Variants in UBE2K observed in about 807,000 individuals in gnomAD.
UBE2K encodes the protein ubiquitin conjugating enzyme E2 K, also known as ubiquitin-conjugating enzyme E2 K.
Under a neutral mutation model 30.0 loss-of-function variants are expected in UBE2K, and 6 were observed. The observed-to-expected ratio is 0.20, with a 90% confidence interval of 0.11 to 0.39. The LOEUF is 0.39. UBE2K is among the 10% of genes least tolerant of loss of function. The pLI is 1.00. For missense variants in UBE2K, 61 were observed against 241.6 expected, an observed-to-expected ratio of 0.25 and a Z score of 4.96; for synonymous variants, 86 against 83.7, an observed-to-expected ratio of 1.03 and a Z score of -0.15.
intron 4 of UBE2K, 104 bp downstream of exon 4, chr4:39,755,843 G>C: frequency 2.7e-6 from 2 of 749,646 alleles, no homozygotes; most frequent in Non-Finnish European, 4.0e-6. Context: ...ACTTTATCTT[G>C]TTTGGGCAGT....
chr4:39,759,650 CACTT>C lies in UBE2K; in HGVS notation c.299+3915_299+3918del, dbSNP rs560573567. 3.0e-4 allele frequency among the ~76,000 whole-genome samples: 45 copies of C among 152,298 alleles called. No homozygotes were observed. The East Asian group carries it at 7.9e-3, about 27-fold the overall frequency. On this transcript the variant is annotated intron_variant, in intron 4 of 6. Coordinates refer to ENST00000261427, the MANE Select transcript of UBE2K (RefSeq NM_005339.5). ...ACTATTTTCTAATGTTTTCCACTGA[CACTT>C]ACTATGACTAATGGTGTCTACTTAC...
chr4:39,715,611 T>A (rs1719017733), intron 1 of UBE2K, among the ~76,000 whole-genome samples: 2 of 152,158 alleles, frequency 1.3e-5, no homozygotes, highest in African/African-American at 4.8e-5. Flanking sequence ...TGCCTGGCCC[T>A]GTTTAATTTT....
chr4:39,735,672 C>T lies in UBE2K; in HGVS notation c.64-1748C>T, dbSNP rs556324705. Reference sequence around the variant, plus strand: ...CTGGGATTACAGGCATGAGCCACCGCGCCCGGCCATCAGAGTAGTTTTACT... The same window carrying T: ...CTGGGATTACAGGCATGAGCCACCGTGCCCGGCCATCAGAGTAGTTTTACT... On this transcript the variant is annotated intron_variant, in intron 1 of 6. Coordinates refer to ENST00000261427, the MANE Select transcript of UBE2K (RefSeq NM_005339.5). Among the ~76,000 whole-genome samples the T allele has an allele frequency of 9.2e-5, 14 of 152,294 alleles. 1 individual carries two copies. Among genetic ancestry groups the T allele is most frequent in the South Asian group, 6.2e-4 (3 of 4,832 alleles).
intron 2 of UBE2K, among the ~76,000 whole-genome samples, chr4:39,744,156 C>T (rs984692892): frequency 6.6e-6 from 1 of 151,972 alleles, no homozygotes; most frequent in South Asian, 2.1e-4. Context: ...AGCCATTGCA[C>T]GCAGCCCAGA....
At chr4:39,711,452 G>A (rs1003692065) in intron 1 of UBE2K, among the ~76,000 whole-genome samples, 5 of 151,684 alleles carry the variant, frequency 3.3e-5, no homozygotes, top group East Asian at 3.9e-4. Flanking sequence ...GTGAGCCACC[G>A]CGCCCGGCAG....
In UBE2K at chr4:39,749,976, A is replaced by G. The variant is rs1237127949; in HGVS notation, c.216+4166A>G. 2.6e-5 allele frequency among the ~76,000 whole-genome samples: 4 copies of G among 152,180 alleles called. 1 individual carries two copies. Among genetic ancestry groups the G allele is most frequent in the African/African-American group, 9.7e-5 (4 of 41,446 alleles). On this transcript the variant is annotated intron_variant, in intron 3 of 6. Transcript: ENST00000261427. ...GACTCTGGGAGGCCGAGGTGGGTGG[A>G]TCACCAGAGGTCAGGAGTTCAAGAC...
chr4:39,770,132 G>T, intron 4 of UBE2K: 2 of 1,595,874 alleles, frequency 1.3e-6, no homozygotes, highest in Non-Finnish European at 1.7e-6. Context: ...GCACGTTCTC[G>T]GCGGTGGTCT....
In UBE2K at chr4:39,782,738, TC is replaced by T. The variant is rs1713686009; in HGVS notation, c.*4310del. ...CACATTTTTAAAGATGTTGAATTTT[TC>T]CCCCCTTATTGGGAATTCTTAAAAA... is the stretch of plus-strand genomic sequence containing the variant. On this transcript the variant is annotated 3_prime_UTR_variant, in exon 7 of 7. Transcript: ENST00000261427. 1 of 152,128 alleles carries T rather than the reference TC, an allele frequency of 6.6e-6. No individual in the cohort carries two copies. Among genetic ancestry groups the T allele is most frequent in the Admixed American group, 6.5e-5 (1 of 15,276 alleles). The allele number at this position is 152,128 out of a possible 1,614,324, so 9.4% of individuals were successfully genotyped here.
chr4:39,723,752 A>G (rs1258387966), intron 1 of UBE2K, among the ~76,000 whole-genome samples: 2 of 152,204 alleles, frequency 1.3e-5, no homozygotes, highest in Non-Finnish European at 2.9e-5. Flanking sequence ...GAAAATAATA[A>G]CATTTAAAAT....
intron 1 of UBE2K, among the ~76,000 whole-genome samples, chr4:39,703,284 T>C (rs1166784238): frequency 6.6e-6 from 1 of 151,990 alleles, no homozygotes; most frequent in African/African-American, 2.4e-5. Context: ...TTTAGGAGGC[T>C]GAGACTCGAT....
chr4:39,719,760 T>C (rs1158090020), intron 1 of UBE2K, among the ~76,000 whole-genome samples: 1 of 152,214 alleles, frequency 6.6e-6, no homozygotes, highest in Non-Finnish European at 1.5e-5. Flanking sequence ...TAATAAAACA[T>C]TTTATGCTTT....
At chr4:39,698,489 C>A in intron 1 of UBE2K, 99 bp downstream of exon 1, 1 of 1,128,710 alleles carries the variant, frequency 8.9e-7, no homozygotes, top group Non-Finnish European at 1.3e-6. Flanking sequence ...GGGTGGTCCT[C>A]CTTGCGGCCG....
chr4:39,709,189 G>A (rs1389488781), intron 1 of UBE2K, among the ~76,000 whole-genome samples: 1 of 151,980 alleles, frequency 6.6e-6, no homozygotes, highest in African/African-American at 2.4e-5. Context: ...TAAACATTCA[G>A]TAAACGGATA....
intron 4 of UBE2K, among the ~76,000 whole-genome samples, chr4:39,773,781 C>T (rs1019700806): frequency 1.3e-5 from 2 of 151,920 alleles, no homozygotes; most frequent in South Asian, 2.1e-4. Context: ...ATTAGCCGGG[C>T]GTGGTGGCGG....
intron 2 of UBE2K, among the ~76,000 whole-genome samples, chr4:39,740,559 A>T (rs1434258376): frequency 6.6e-6 from 1 of 150,864 alleles, no homozygotes; most frequent in African/African-American, 2.4e-5. Context: ...AAAAAAAAAG[A>T]TACATTAAGA....
chr4:39,714,550 A>ATTTTTTTTTTTTTTTTTTTTTTTTT (rs59593534), intron 1 of UBE2K: 2 of 17,844 alleles, frequency 1.1e-4, no homozygotes, highest in Non-Finnish European at 1.7e-4. Context: ...ATATATATAT[A>ATTTTTTTTTTTTTTTTTTTTTTTTT]TTTTTTTTTT....
At chr4:39,776,728 A>G (rs1713304637) in intron 5 of UBE2K, among the ~76,000 whole-genome samples, 1 of 151,914 alleles carries the variant, frequency 6.6e-6, no homozygotes, top group Non-Finnish European at 1.5e-5. Flanking sequence ...TATCCTTGTC[A>G]ATATATTCTG....
chr4:39,701,074 T>C (rs529952107), intron 1 of UBE2K, among the ~76,000 whole-genome samples: 8 of 148,548 alleles, frequency 5.4e-5, no homozygotes, highest in Non-Finnish European at 1.2e-4. Context: ...ACAAATGTGA[T>C]TTACTTAAAG....
intron 2 of UBE2K, among the ~76,000 whole-genome samples, chr4:39,738,513 A>C (rs1340955416): frequency 6.6e-6 from 1 of 152,122 alleles, no homozygotes; most frequent in Non-Finnish European, 1.5e-5. Flanking sequence ...TTTTATATGC[A>C]AAGTTTTACT....
Sources: gnomAD v4.1 joint callset for allele counts (sites outside exome capture counted in the v4.1 genomes callset) on GRCh38, gnomAD v4.1.1 for gene constraint, MANE v1.5 for transcripts, NCBI Gene and HGNC (gene_info 2026-07-23, HGNC 2026-07-21) for gene names.